CADM3: variants seen among roughly 807,000 people sequenced by gnomAD.
CADM3 encodes the protein TSLC1-like 1.
In CADM3, 11 loss-of-function variants were observed where a neutral mutation model predicts 44.9. The observed-to-expected ratio is 0.25, with a 90% CI of 0.15 to 0.41. The LOEUF (loss-of-function observed/expected upper bound fraction) is 0.41. CADM3 is among the 10% of genes least tolerant of loss of function. The probability of loss-of-function intolerance (pLI) is 1.00; values close to 1 mark genes in which losing one functional copy is unlikely to be tolerated. For missense variants in CADM3, 426 were observed against 512.0 expected (o/e 0.83, Z 1.62); for synonymous variants, 207 against 205.2 (o/e 1.01, Z -0.08).
At position 159,192,878 on chromosome 1, in the gene CADM3, T is replaced by C. The variant is rs777679794; in HGVS notation, c.382+148T>C. ...GTGTTCCCCTGGCAATGGGATAAAA[T>C]GTAAAAAGAAATGGGTTTTAATCCT... On this transcript the variant is annotated intron_variant, in intron 3 of 8. Coordinates refer to ENST00000368125, the MANE Select transcript of CADM3 (RefSeq NM_001127173.3). The C allele has an allele frequency of 3.8e-4, 288 of 765,752 alleles. 1 individual carries two copies. Among genetic ancestry groups the C allele is most frequent in the Non-Finnish European group, 4.5e-4 (213 of 472,822 alleles). 47.4% of individuals were successfully genotyped at this position (765,752 alleles called of 1,614,324 possible).
chr1:159,192,759 C>T, intron 3 of CADM3, 29 bp downstream of exon 3: 3 of 1,594,494 alleles, frequency 1.9e-6, no homozygotes, highest in Non-Finnish European at 2.6e-6. Context: ...AGTGTCTCTA[C>T]AGCATGCTTC....
rs747814576 is a variant in CADM3 at position 159,197,144 on chromosome 1, T to C, written c.952+84T>C. On this transcript the variant is annotated intron_variant, in intron 7 of 8. Coordinates refer to ENST00000368125, the MANE Select transcript of CADM3 (RefSeq NM_001127173.3). ...TTTTTTAAAATGCTTCCTGATAACA[T>C]CCCCAAACTGTGACGGGGAGTGGAG... The C allele has an allele frequency of 2.9e-5, 42 of 1,436,970 alleles. No individual in the cohort carries two copies. The African/African-American group carries it at 5.3e-4, about 18-fold the overall frequency. The allele number at this position is 1,436,970 out of a possible 1,614,324, so 89.0% of individuals were successfully genotyped here.
intron 1 of CADM3, among the ~76,000 whole-genome samples, chr1:159,182,082 A>ACACACG (rs1180200725): frequency 5.5e-5 from 8 of 144,892 alleles, no homozygotes; most frequent in African/African-American, 2.1e-4. Flanking sequence ...ACACACACAC[A>ACACACG]CACACGCACA....
chr1:159,193,754 G>A (rs758614496), intron 4 of CADM3, 116 bp from the exon 5 acceptor site: 2 of 1,476,226 alleles, frequency 1.4e-6, no homozygotes, highest in Admixed American at 1.9e-5. Context: ...AGTTTATCTA[G>A]GTTGAGACTC....
At chr1:159,188,230 A>G (rs1324163029) in intron 1 of CADM3, among the ~76,000 whole-genome samples, 4 of 144,152 alleles carry the variant, frequency 2.8e-5, no homozygotes, top group Non-Finnish European at 6.1e-5. Context: ...TTCCTGCCTG[A>G]CTCCCTCCCC....
At chr1:159,199,587 G>A (rs550682215) in intron 7 of CADM3, among the ~76,000 whole-genome samples, 164 bp from the exon 8 acceptor site, 25 of 152,212 alleles carry the variant, frequency 1.6e-4, no homozygotes, top group African/African-American at 6.0e-4. Flanking sequence ...TATAATACAG[G>A]TGTGGCGTAT....
At chr1:159,185,044 T>C (rs1649364598) in intron 1 of CADM3, among the ~76,000 whole-genome samples, 1 of 152,206 alleles carries the variant, frequency 6.6e-6, no homozygotes, top group African/African-American at 2.4e-5. Context: ...GACAAGAAGA[T>C]AATTCTTTAG....
intron 1 of CADM3, among the ~76,000 whole-genome samples, chr1:159,188,443 C>T (rs1301546030): frequency 6.6e-6 from 1 of 152,026 alleles, no homozygotes; most frequent in Non-Finnish European, 1.5e-5. Context: ...TAATCTCGAC[C>T]TCCCGGCCCC....
chr1:159,178,750 G>A (rs1252273097), intron 1 of CADM3, among the ~76,000 whole-genome samples: 7 of 152,084 alleles, frequency 4.6e-5, no homozygotes, highest in East Asian at 1.9e-4. Context: ...GATATCAAAC[G>A]GCGTAGGGAG....
chr1:159,179,688 G>T (rs1649155694), intron 1 of CADM3, among the ~76,000 whole-genome samples: 1 of 152,148 alleles, frequency 6.6e-6, no homozygotes, highest in Non-Finnish European at 1.5e-5. Context: ...ATTTCAGTAA[G>T]TATATCAATG....
chr1:159,191,726 T>C (rs1649667682), intron 1 of CADM3, among the ~76,000 whole-genome samples: 2 of 152,212 alleles, frequency 1.3e-5, no homozygotes, highest in Non-Finnish European at 2.9e-5. Flanking sequence ...TGTTTTTCTG[T>C]GTATTCAAAG....
At chr1:159,176,801 T>C (rs879291136) in intron 1 of CADM3, among the ~76,000 whole-genome samples, 4 of 152,214 alleles carry the variant, frequency 2.6e-5, no homozygotes, top group Admixed American at 2.6e-4. Flanking sequence ...TACATATTCT[T>C]CACTGAAGCA....
intron 1 of CADM3, among the ~76,000 whole-genome samples, chr1:159,179,989 A>G (rs908588143): frequency 2.0e-5 from 3 of 152,112 alleles, no homozygotes; most frequent in African/African-American, 7.2e-5. Flanking sequence ...AGCCTCCCAT[A>G]TTTTGATTTA....
intron 1 of CADM3, among the ~76,000 whole-genome samples, chr1:159,181,049 T>G (rs1201050247): frequency 1.3e-5 from 2 of 152,148 alleles, no homozygotes; most frequent in Non-Finnish European, 2.9e-5. Flanking sequence ...AGAGAATATA[T>G]TCTTTACTTC....
At position 159,192,092 on chromosome 1, in the gene CADM3, T is replaced by G. The variant is rs1238562391; in HGVS notation, c.229+16T>G. ...GAGAAGAGAGGTAGTATCTCATGAG[T>G]TATCTTTCTCCGTGAAAACCATGGG... On this transcript the variant is annotated intron_variant, in intron 2 of 8. Transcript: ENST00000368125. 5 of 1,612,792 alleles carry G rather than the reference T, an allele frequency of 3.1e-6. No homozygotes were observed. The African/African-American group carries it at 6.7e-5, about 22-fold the overall frequency.
In CADM3 at chr1:159,193,469, G is replaced by A; in HGVS notation, c.429G>A (p.Arg143=). ...PIITGYKSSL[R]EKDTATLNCQ... ...TCACTGGTTATAAATCTTCATTACGGGAAAAAGACACAGCCACCCTAAACT... is the reference window on the plus strand; with the variant it reads ...TCACTGGTTATAAATCTTCATTACGAGAAAAAGACACAGCCACCCTAAACT... Residue 143 remains arginine, a synonymous_variant, in exon 4 of 9, where the codon CGG becomes CGA. Coordinates refer to ENST00000368125, the MANE Select transcript of CADM3 (RefSeq NM_001127173.3). 11 of 1,612,442 alleles carry A rather than the reference G, an allele frequency of 6.8e-6. No homozygotes were observed. Among genetic ancestry groups the A allele is most frequent in the Non-Finnish European group, 9.3e-6 (11 of 1,178,758 alleles).
At chr1:159,192,840 G>A in intron 3 of CADM3, 110 bp downstream of exon 3, 1 of 1,145,408 alleles carries the variant, frequency 8.7e-7, no homozygotes, top group Non-Finnish European at 1.2e-6. Context: ...AGCACTTTAG[G>A]AAAGTTCAGC....
intron 1 of CADM3, among the ~76,000 whole-genome samples, chr1:159,189,245 A>G (rs954772582): frequency 5.9e-5 from 9 of 152,234 alleles, no homozygotes; most frequent in African/African-American, 1.7e-4. Flanking sequence ...CCACTCTGCA[A>G]AATAGGAATG....
chr1:159,183,360 G>C (rs917964291), intron 1 of CADM3, among the ~76,000 whole-genome samples: 1 of 152,134 alleles, frequency 6.6e-6, no homozygotes, highest in Admixed American at 6.5e-5. Flanking sequence ...AGCAAAGCTG[G>C]GACAGAGTAG....
Sources: gnomAD v4.1 joint callset for allele counts (sites outside exome capture counted in the v4.1 genomes callset) on GRCh38, gnomAD v4.1.1 for gene constraint, MANE v1.5 for transcripts, NCBI Gene and HGNC (gene_info 2026-07-23, HGNC 2026-07-21) for gene names.